PCDH15: variants seen among roughly 807,000 people sequenced by gnomAD.
PCDH15 encodes the protein protocadherin-15.
A neutral mutation model predicts 178.5 loss-of-function variants in PCDH15; 129 were observed. The observed-to-expected ratio is 0.72, with a 90% CI of 0.63 to 0.84. PCDH15 has a LOEUF of 0.84. Among genes scored for constraint, PCDH15 ranks in the 40% least tolerant of loss-of-function variants. The probability of loss-of-function intolerance (pLI) is 0.00; values close to 1 mark genes in which losing one functional copy is unlikely to be tolerated. For missense variants in PCDH15, 2,230 were observed against 2,099.9 expected, an observed-to-expected ratio of 1.06 and a Z score of -1.21; for synonymous variants, 800 against 732.0, an observed-to-expected ratio of 1.09 and a Z score of -1.50.
At chr10:54,384,399 A>T (rs1949674956) in intron 3 of PCDH15, among the ~76,000 whole-genome samples, 1 of 151,466 alleles carries the variant, frequency 6.6e-6, no homozygotes, top group Non-Finnish European at 1.5e-5. Flanking sequence ...AACTGTAGAA[A>T]GTTGTTGTTG....
At chr10:54,825,975 A>G (rs890377575) in intron 3 of PCDH15, among the ~76,000 whole-genome samples, 5 of 152,112 alleles carry the variant, frequency 3.3e-5, no homozygotes, top group African/African-American at 1.2e-4. Flanking sequence ...ATGTAAGTCC[A>G]TTATGCCATT....
intron 8 of PCDH15, among the ~76,000 whole-genome samples, chr10:54,303,913 A>T (rs2060301221): frequency 6.6e-6 from 1 of 152,018 alleles, no homozygotes; most frequent in South Asian, 2.1e-4. Flanking sequence ...ACCATTCTAC[A>T]TTTCTCCTTT....
At chr10:55,220,323 T>C (rs1487071712) in intron 1 of PCDH15, among the ~76,000 whole-genome samples, 3 of 152,106 alleles carry the variant, frequency 2.0e-5, no homozygotes, top group African/African-American at 4.8e-5. Context: ...TTAAAACACA[T>C]TTTTGACTTA....
chr10:55,514,248 C>G (rs952127758), intron 2 of PCDH15, among the ~76,000 whole-genome samples: 1 of 152,084 alleles, frequency 6.6e-6, no homozygotes, highest in African/African-American at 2.4e-5. Flanking sequence ...CATCAAATTA[C>G]AAGATTGAAG....
intron 6 of PCDH15, among the ~76,000 whole-genome samples, chr10:54,343,655 G>A (rs1390314675): frequency 7.0e-6 from 1 of 143,080 alleles, no homozygotes; most frequent in Non-Finnish European, 1.5e-5. Flanking sequence ...GGGGGGAGGT[G>A]GGAGGGGAGA....
chr10:55,018,856 T>G (rs902522864), intron 2 of PCDH15, among the ~76,000 whole-genome samples: 1 of 152,098 alleles, frequency 6.6e-6, no homozygotes, highest in Non-Finnish European at 1.5e-5. Context: ...ATAAAATATA[T>G]ACCTCGTATA....
chr10:54,399,590 C>T (rs1349615287), intron 3 of PCDH15, among the ~76,000 whole-genome samples: 5 of 152,020 alleles, frequency 3.3e-5, no homozygotes, highest in African/African-American at 7.2e-5. Flanking sequence ...TAATGGTCTG[C>T]GGTTAGGAAA....
At chr10:55,072,945 T>C in intron 2 of PCDH15, among the ~76,000 whole-genome samples, 1 of 145,298 alleles carries the variant, frequency 6.9e-6, no homozygotes, top group South Asian at 2.1e-4. Context: ...TGGTTCAATA[T>C]ACGCAAATCA....
At position 54,236,960 on chromosome 10, in the gene PCDH15, C is replaced by A. The variant is rs116339167; in HGVS notation, c.877-29G>T. ...AAAAAAAAATTAAGAGAGTTTCATT[C>A]AGCCGCATTACTAATACTTCATGAA... On this transcript the variant is annotated intron_variant, in intron 8 of 37. Coordinates refer to ENST00000644397, the MANE Select transcript of PCDH15 (RefSeq NM_001384140.1). 5,850 of 1,526,374 alleles carry A rather than the reference C, an allele frequency of 3.8e-3. 85 individuals carry two copies. In the African/African-American group the frequency reaches 0.046, roughly 12 times the overall value. 94.6% of individuals were successfully genotyped at this position (1,526,374 alleles called of 1,614,324 possible).
intron 16 of PCDH15, 53 bp downstream of exon 16, chr10:54,089,931 T>C (rs1565229435): frequency 1.0e-5 from 14 of 1,365,996 alleles, no homozygotes; most frequent in Non-Finnish European, 1.5e-5. Flanking sequence ...GCTTTCTTAC[T>C]AACAGTACGT....
chr10:54,896,284 T>C (rs1954544476), intron 3 of PCDH15, among the ~76,000 whole-genome samples: 1 of 152,178 alleles, frequency 6.6e-6, no homozygotes, highest in Non-Finnish European at 1.5e-5. Context: ...GAAACATGCA[T>C]TGAAAGTATA....
chr10:55,420,884 A>G (rs1422990624), intron 2 of PCDH15, among the ~76,000 whole-genome samples: 1 of 151,770 alleles, frequency 6.6e-6, no homozygotes, highest in Admixed American at 6.6e-5. Context: ...ATGAAAGCCC[A>G]GAAGAAAAAG....
rs189893465 is a variant in PCDH15, at chr10:54,546,945, G to A, written c.92-19068C>T. ...CTTCATCATATTCATTTGGGCAACT[G>A]AGCTAGAGTCTTCTGCTCCATGAAG... On this transcript the variant is annotated intron_variant, in intron 2 of 37. Transcript: ENST00000644397. Among the ~76,000 whole-genome samples the A allele has an allele frequency of 2.0e-3, 302 of 152,288 alleles. 1 individual carries two copies. The highest frequency in any genetic ancestry group is 7.0e-3 in the African/African-American group (290 of 41,560).
At chr10:55,558,561 A>G (rs1453291112) in intron 2 of PCDH15, among the ~76,000 whole-genome samples, 2 of 152,138 alleles carry the variant, frequency 1.3e-5, no homozygotes, top group Non-Finnish European at 2.9e-5. Flanking sequence ...AGAATATTTT[A>G]TTTATAAAAA....
At chr10:54,953,825 C>T (rs1733783) in intron 2 of PCDH15, among the ~76,000 whole-genome samples, 100,438 of 150,902 alleles carry the variant, frequency 0.67, 33,675 homozygotes, top group East Asian at 0.88. Context: ...ATATTTTAAA[C>T]ATTTTTATCT....
intron 2 of PCDH15, chr10:55,575,733 T>C (rs1448215754): frequency 2.0e-5 from 3 of 152,164 alleles, no homozygotes; most frequent in African/African-American, 7.2e-5. Context: ...AAAAACACAT[T>C]GCACTTTAAT....
intron 14 of PCDH15, among the ~76,000 whole-genome samples, chr10:54,151,851 G>A (rs2044570092): frequency 6.6e-6 from 1 of 152,096 alleles, no homozygotes; most frequent in Admixed American, 6.6e-5. Flanking sequence ...CAGAAGGAGA[G>A]GGAACATTTT....
At chr10:54,633,361 A>G (rs1165755930) in intron 2 of PCDH15, among the ~76,000 whole-genome samples, 1 of 152,088 alleles carries the variant, frequency 6.6e-6, no homozygotes, top group Admixed American at 6.6e-5. Context: ...CTTATTTTCT[A>G]GTTCTTTTCA....
At chr10:54,471,105 A>G (rs991661121) in intron 3 of PCDH15, among the ~76,000 whole-genome samples, 1 of 152,230 alleles carries the variant, frequency 6.6e-6, no homozygotes, top group Non-Finnish European at 1.5e-5. Context: ...TCTGTATGTT[A>G]CATGTATTGT....
Sources: allele counts gnomAD v4.1 joint callset (sites outside exome capture counted in the v4.1 genomes callset), GRCh38; gene constraint gnomAD v4.1.1; transcripts MANE v1.5; gene names NCBI Gene and HGNC (gene_info 2026-07-23, HGNC 2026-07-21).